The following PIK3R3 variants were observed in gnomAD, a reference collection of about 807,000 sequenced individuals.
PIK3R3 encodes the protein phosphoinositide-3-kinase regulatory subunit 3.
PIK3R3 carries 64 observed loss-of-function variants against 62.9 expected under a neutral mutation model. The ratio of observed to expected loss-of-function variants is 1.02; its 90% CI spans 0.83 to 1.25. The LOEUF (loss-of-function observed/expected upper bound fraction) is 1.25. Ranked by LOEUF, PIK3R3 falls within the 50% of genes most tolerant of loss-of-function variation. The pLI is 0.00. For synonymous variants in PIK3R3, 165 were observed against 189.0 expected, an observed-to-expected ratio of 0.87 and a Z score of 1.04; for missense variants, 614 against 561.6, an observed-to-expected ratio of 1.09 and a Z score of -0.94.
intron 1 of PIK3R3, chr1:46,104,889 C>G: frequency 2.1e-6 from 1 of 487,354 alleles, no homozygotes; most frequent in South Asian, 2.4e-5. Context: ...GATTGCGCCA[C>G]TGCACTCCAG....
chr1:46,094,020 G>T (rs1490258562), intron 1 of PIK3R3, among the ~76,000 whole-genome samples: 1 of 151,548 alleles, frequency 6.6e-6, no homozygotes, highest in Non-Finnish European at 1.5e-5. Context: ...AGTGAGCCAA[G>T]ATTGCACCAC....
At chr1:46,142,147 G>C in the PIK3R3 span, among the ~76,000 whole-genome samples, 1 of 152,150 alleles carries the variant, frequency 6.6e-6, no homozygotes, top group Admixed American at 6.6e-5. Flanking sequence ...GAAGAAGCAT[G>C]TCTTTCCTGG....
the PIK3R3 span, among the ~76,000 whole-genome samples, chr1:46,147,624 T>A: frequency 2.0e-5 from 3 of 150,010 alleles, no homozygotes. Flanking sequence ...TTTCACTGTG[T>A]TAGCCGGGAC....
intron 1 of PIK3R3, among the ~76,000 whole-genome samples, chr1:46,095,082 A>G (rs762658953): frequency 6.6e-6 from 1 of 152,236 alleles, no homozygotes; most frequent in Non-Finnish European, 1.5e-5. Context: ...CGATTCCTCA[A>G]AGACCTAAAG....
chr1:46,123,548 T>C (rs528967989), intron 1 of PIK3R3, among the ~76,000 whole-genome samples: 1 of 152,276 alleles, frequency 6.6e-6, no homozygotes, highest in Admixed American at 6.5e-5. Flanking sequence ...AGTAAAACAA[T>C]GAAAATAACA....
At chr1:46,108,477 CCTAA>C (rs1376967967) in intron 1 of PIK3R3, among the ~76,000 whole-genome samples, 5 of 152,180 alleles carry the variant, frequency 3.3e-5, no homozygotes, top group Non-Finnish European at 5.9e-5. Flanking sequence ...AGTTTCTAAT[CCTAA>C]CTGAGATTAC....
intron 7 of PIK3R3, among the ~76,000 whole-genome samples, chr1:46,051,797 C>A (rs1333569694): frequency 1.3e-5 from 2 of 152,064 alleles, no homozygotes; most frequent in Non-Finnish European, 2.9e-5. Flanking sequence ...CAGTACTAAA[C>A]CCTATATATA....
intron 3 of PIK3R3, among the ~76,000 whole-genome samples, chr1:46,070,198 G>A (rs1649360852): frequency 6.6e-6 from 1 of 152,162 alleles, no homozygotes; most frequent in Non-Finnish European, 1.5e-5. Context: ...AAAAATTGTT[G>A]ATCCAACAAA....
At chr1:46,087,983 G>A (rs1213501697) in intron 1 of PIK3R3, among the ~76,000 whole-genome samples, 1 of 152,196 alleles carries the variant, frequency 6.6e-6, no homozygotes, top group Admixed American at 6.5e-5. Flanking sequence ...TATTTAATGG[G>A]TATAGAGTTT....
intron 1 of PIK3R3, among the ~76,000 whole-genome samples, chr1:46,118,233 T>G (rs1204108187): frequency 1.3e-5 from 2 of 152,246 alleles, no homozygotes; most frequent in African/African-American, 4.8e-5. Flanking sequence ...TAAGTCAGTT[T>G]GGAAATGACA....
chr1:46,168,805 C>T, the PIK3R3 span, among the ~76,000 whole-genome samples: 1 of 152,156 alleles, frequency 6.6e-6, no homozygotes, highest in Non-Finnish European at 1.5e-5. Context: ...GGAGGGTGAA[C>T]TGGCACATCC....
At chr1:46,102,819 A>C (rs1486330002) in intron 1 of PIK3R3, among the ~76,000 whole-genome samples, 4 of 150,536 alleles carry the variant, frequency 2.7e-5, no homozygotes, top group East Asian at 3.9e-4. Flanking sequence ...AAAAAAAAAA[A>C]AAAAAAAAAA....
At chr1:46,132,706 G>A (rs1655741208), upstream of PIK3R3, 2 of 1,289,428 alleles carry the variant, frequency 1.6e-6, no homozygotes, top group Non-Finnish European at 2.0e-6. Context: ...CACCCGCTGA[G>A]GCGCCACCCA....
At chr1:46,120,439 G>C (rs893717141) in intron 1 of PIK3R3, among the ~76,000 whole-genome samples, 37 of 152,284 alleles carry the variant, frequency 2.4e-4, no homozygotes, top group African/African-American at 8.9e-4. Flanking sequence ...CAGGCGTGGT[G>C]GTGGGCGCCT....
chr1:46,172,328 A>C, the PIK3R3 span, among the ~76,000 whole-genome samples: 1 of 152,140 alleles, frequency 6.6e-6, no homozygotes, highest in African/African-American at 2.4e-5. Context: ...GGAAGATTTC[A>C]AAGAAAAGTG....
upstream of PIK3R3, chr1:46,132,988 G>A: frequency 9.2e-7 from 1 of 1,088,364 alleles, no homozygotes; most frequent in Non-Finnish European, 1.1e-6. Context: ...AGGAGGGAGT[G>A]GGGCGAGGGA....
chr1:46,120,329 G>A (rs1654553262), intron 1 of PIK3R3, among the ~76,000 whole-genome samples: 1 of 152,192 alleles, frequency 6.6e-6, no homozygotes, highest in Non-Finnish European at 1.5e-5. Flanking sequence ...TGTAATCCCA[G>A]CACTTTGGGA....
In PIK3R3 at chr1:46,053,585, T is replaced by C. The variant is rs149421086; in HGVS notation, c.941+2210A>G. Among the ~76,000 whole-genome samples, 128 of 152,208 alleles carry C rather than the reference T, an allele frequency of 8.4e-4. 1 individual carries two copies. Among genetic ancestry groups the C allele is most frequent in the African/African-American group, 2.9e-3 (121 of 41,518 alleles). The stretch of plus-strand genomic sequence containing the variant: ...CCCCCTAGCTCCTTCTACCAGGACA[T>C]AGGTAGAAGGTGCCATCTATGAACC... On this transcript the variant is annotated intron_variant, in intron 7 of 9. Coordinates refer to ENST00000262741, the MANE Select transcript of PIK3R3 (RefSeq NM_003629.4).
the PIK3R3 span, among the ~76,000 whole-genome samples, chr1:46,144,779 A>C: frequency 6.6e-6 from 1 of 151,554 alleles, no homozygotes; most frequent in Non-Finnish European, 1.5e-5. Context: ...AAAAAAAAAA[A>C]AAACGACTCA....
Sources: allele counts gnomAD v4.1 joint callset (sites outside exome capture counted in the v4.1 genomes callset), GRCh38; gene constraint gnomAD v4.1.1; transcripts MANE v1.5; gene names NCBI Gene and HGNC (gene_info 2026-07-23, HGNC 2026-07-21).